The following CEP112 variants were observed in gnomAD, a reference collection of about 807,000 sequenced individuals.
The protein encoded by CEP112 is centrosomal protein of 112 kDa.
A neutral mutation model predicts 153.0 loss-of-function variants in CEP112; 127 were observed. That is an observed-to-expected ratio of 0.83 (90% confidence interval 0.72 to 0.96). CEP112 has a LOEUF of 0.96. Among genes scored for constraint, CEP112 ranks in the 40% least tolerant of loss-of-function variants. The probability of loss-of-function intolerance (pLI) is 0.00; values close to 1 mark genes in which losing one functional copy is unlikely to be tolerated. For synonymous variants in CEP112, 358 were observed against 374.4 expected, an observed-to-expected ratio of 0.96 and a Z score of 0.51; for missense variants, 1,089 against 1,101.2, an observed-to-expected ratio of 0.99 and a Z score of 0.16.
At chr17:66,019,638 T>G (rs1327740643) in intron 16 of CEP112, among the ~76,000 whole-genome samples, 1 of 152,240 alleles carries the variant, frequency 6.6e-6, no homozygotes, top group Non-Finnish European at 1.5e-5. Context: ...AAGATTGTTA[T>G]TATTTTAAAC....
In CEP112 at chr17:65,887,123, G is replaced by A. The variant is rs564979276; in HGVS notation, c.2163+15029C>T. Among the ~76,000 whole-genome samples the A allele has an allele frequency of 1.6e-3, 238 of 152,188 alleles. 1 individual carries two copies. Among genetic ancestry groups the A allele is most frequent in the Middle Eastern group, 6.8e-3 (2 of 294 alleles). On this transcript the variant is annotated intron_variant, in intron 20 of 26. Transcript: ENST00000535342. Reference sequence around the variant, plus strand: ...AAAAAAAACAGGTTTCCCCACCAATGGATATGCCTGTAACTTATAACCATG... The same window carrying A: ...AAAAAAAACAGGTTTCCCCACCAATAGATATGCCTGTAACTTATAACCATG...
At chr17:65,915,168 G>C (rs189614561) in intron 19 of CEP112, among the ~76,000 whole-genome samples, 2 of 152,248 alleles carry the variant, frequency 1.3e-5, no homozygotes, top group East Asian at 3.9e-4. Context: ...CCTAGACTCA[G>C]TCCTGGAAGT....
intron 4 of CEP112, among the ~76,000 whole-genome samples, chr17:66,155,488 C>T (rs2071398999): frequency 6.6e-6 from 1 of 151,804 alleles, no homozygotes; most frequent in Non-Finnish European, 1.5e-5. Flanking sequence ...ATCGAGATAG[C>T]TGTAGGAGGT....
At position 65,885,447 on chromosome 17, in the gene CEP112, T is replaced by C. The variant is rs191412599; in HGVS notation, c.2163+16705A>G. On this transcript the variant is annotated intron_variant, in intron 20 of 26. Transcript: ENST00000535342. Reference sequence around the variant, plus strand: ...AGCAGAGTAAGGGGAACTATTTTAATGCAAAACAAGTCATTGTTTTAAAGT... The same window carrying C: ...AGCAGAGTAAGGGGAACTATTTTAACGCAAAACAAGTCATTGTTTTAAAGT... Among the ~76,000 whole-genome samples, 347 of 152,296 alleles carry C rather than the reference T, an allele frequency of 2.3e-3. 1 individual carries two copies. Among genetic ancestry groups the C allele is most frequent in the Non-Finnish European group, 3.7e-3 (249 of 68,018 alleles).
intron 21 of CEP112, among the ~76,000 whole-genome samples, chr17:65,820,620 C>T (rs1171238970): frequency 6.6e-6 from 1 of 152,034 alleles, no homozygotes; most frequent in Non-Finnish European, 1.5e-5. Flanking sequence ...GGGCCATTCG[C>T]TATAATCTAA....
At chr17:65,723,173 T>C (rs1374725191) in intron 23 of CEP112, among the ~76,000 whole-genome samples, 1 of 152,202 alleles carries the variant, frequency 6.6e-6, no homozygotes, top group Non-Finnish European at 1.5e-5. Context: ...CTGTGTTCTG[T>C]TCCATGGTAG....
rs911254752 is a variant in CEP112 at position 65,703,606 on chromosome 17, G to A, written c.2608-14388C>T. 5.3e-5 allele frequency among the ~76,000 whole-genome samples: 8 copies of A among 149,548 alleles called. No homozygotes were observed. The East Asian group carries it at 1.6e-3, about 29-fold the overall frequency. On this transcript the variant is annotated intron_variant, in intron 23 of 26. Coordinates refer to ENST00000535342, the MANE Select transcript of CEP112 (RefSeq NM_001199165.4). ...AGTCTTGCAGACAGGAAATGGCCCA[G>A]GTCCCTCTGCCTCTCAGCCTCTACG...
intron 16 of CEP112, among the ~76,000 whole-genome samples, chr17:66,021,106 A>G (rs978694597): frequency 2.0e-5 from 3 of 152,146 alleles, no homozygotes; most frequent in Non-Finnish European, 1.5e-5. Context: ...AGCCCTGGAT[A>G]TAACTAGGAG....
chr17:65,842,245 TTAAAAC>T (rs1568101468), intron 21 of CEP112, among the ~76,000 whole-genome samples: 1 of 152,136 alleles, frequency 6.6e-6, no homozygotes, highest in Non-Finnish European at 1.5e-5. Flanking sequence ...AATGCCTACT[TTAAAAC>T]TAAACTAATT....
rs375715709 is a variant in CEP112, at chr17:66,098,456, T to C, written c.643-1824A>G. On this transcript the variant is annotated intron_variant, in intron 6 of 26. Transcript: ENST00000535342. ...AAGTTCCCCAAACGATTTATTACGGTTAATAACTCTTGAAAATGAACAATC... is the reference window on the plus strand; with the variant it reads ...AAGTTCCCCAAACGATTTATTACGGCTAATAACTCTTGAAAATGAACAATC... Among the ~76,000 whole-genome samples the C allele has an allele frequency of 3.9e-5, 6 of 152,178 alleles. No homozygotes were observed. In the East Asian group the frequency reaches 7.7e-4, roughly 20 times the overall value.
chr17:66,179,317 A>G (rs954253317), intron 2 of CEP112, among the ~76,000 whole-genome samples: 1 of 152,092 alleles, frequency 6.6e-6, no homozygotes, highest in African/African-American at 2.4e-5. Flanking sequence ...GATTATTCCA[A>G]TCCATGAACA....
intron 23 of CEP112, among the ~76,000 whole-genome samples, chr17:65,713,376 A>C (rs547278979): frequency 1.3e-5 from 2 of 152,326 alleles, no homozygotes; most frequent in Admixed American, 6.5e-5. Context: ...AACATAATAA[A>C]ATCTAAATAT....
rs1382973920 is a variant in CEP112 at position 66,030,047 on chromosome 17, G to C, written c.1219-24C>G. On this transcript the variant is annotated intron_variant, in intron 12 of 26. Coordinates refer to ENST00000535342, the MANE Select transcript of CEP112 (RefSeq NM_001199165.4). ...TTCTAAAAGAACAGGTCATGGTTAAGAAAGTCTCTGACTCAGTTGTAACAC... is the reference window on the plus strand; with the variant it reads ...TTCTAAAAGAACAGGTCATGGTTAACAAAGTCTCTGACTCAGTTGTAACAC... 5 of 1,602,970 alleles carry C rather than the reference G, an allele frequency of 3.1e-6. No homozygotes were observed. The East Asian group carries it at 1.1e-4, about 36-fold the overall frequency.
chr17:66,131,220 T>A (rs1357414290), intron 5 of CEP112, among the ~76,000 whole-genome samples: 2 of 152,200 alleles, frequency 1.3e-5, no homozygotes, highest in Non-Finnish European at 2.9e-5. Context: ...TATAATACTA[T>A]ATTAAAATTC....
At chr17:66,160,612 G>T (rs1274427079) in intron 4 of CEP112, among the ~76,000 whole-genome samples, 1 of 151,934 alleles carries the variant, frequency 6.6e-6, no homozygotes, top group Non-Finnish European at 1.5e-5. Flanking sequence ...CTATTAAATG[G>T]TGTTGGGAAA....
chr17:65,655,442 G>A (rs1258159006), intron 24 of CEP112: 8 of 1,188,870 alleles, frequency 6.7e-6, no homozygotes, highest in African/African-American at 1.5e-5. Flanking sequence ...TTTGACTGCT[G>A]TCTTTTGAAT....
chr17:66,186,195 CG>C (rs1317073986), intron 1 of CEP112, among the ~76,000 whole-genome samples: 1 of 152,176 alleles, frequency 6.6e-6, no homozygotes, highest in Non-Finnish European at 1.5e-5. Context: ...TGAGGCTCAA[CG>C]CTCCAACCAT....
rs141542564 is a variant in CEP112, at chr17:66,036,400, T to C, written c.1219-6377A>G. On this transcript the variant is annotated intron_variant, in intron 12 of 26. Transcript: ENST00000535342. The stretch of plus-strand genomic sequence containing the variant: ...CAATAAAAAGAAAAAGAGAAAACAA[T>C]GGCTAAAACTTAACACCACATTAAA... 3.3e-5 allele frequency among the ~76,000 whole-genome samples: 5 copies of C among 152,076 alleles called. No homozygotes were observed. In the East Asian group the frequency reaches 7.7e-4, roughly 23 times the overall value.
intron 20 of CEP112, among the ~76,000 whole-genome samples, chr17:65,857,672 C>T (rs7206972): frequency 0.32 from 48,084 of 151,788 alleles, 8,873 homozygotes; most frequent in Middle Eastern, 0.43. Context: ...TAATAATTTG[C>T]TAATGATTTT....
Sources: gnomAD v4.1 joint callset for allele counts (sites outside exome capture counted in the v4.1 genomes callset) on GRCh38, gnomAD v4.1.1 for gene constraint, MANE v1.5 for transcripts, NCBI Gene and HGNC (gene_info 2026-07-23, HGNC 2026-07-21) for gene names.